Variants in SCHIP1 observed in about 807,000 individuals in gnomAD.
SCHIP1 encodes the protein schwannomin-interacting protein 1.
A neutral mutation model predicts 29.7 loss-of-function variants in SCHIP1; 8 were observed. The ratio of observed to expected loss-of-function variants is 0.27; its 90% confidence interval spans 0.16 to 0.49. The LOEUF (loss-of-function observed/expected upper bound fraction) is 0.49. SCHIP1 is among the 20% of genes least tolerant of loss of function. The probability of loss-of-function intolerance (pLI) is 0.99; values close to 1 mark genes in which losing one functional copy is unlikely to be tolerated. For synonymous variants in SCHIP1, 76 were observed against 94.9 expected (o/e 0.80, Z 1.16); for missense variants, 193 against 294.6 (o/e 0.66, Z 2.52).
the SCHIP1 span, among the ~76,000 whole-genome samples, chr3:159,572,742 G>T: frequency 6.6e-6 from 1 of 152,122 alleles, no homozygotes; most frequent in African/African-American, 2.4e-5. Context: ...GTATTGTGTG[G>T]GAGTCTTAGC....
chr3:159,390,424 A>G, the SCHIP1 span, among the ~76,000 whole-genome samples: 1 of 152,122 alleles, frequency 6.6e-6, no homozygotes, highest in Non-Finnish European at 1.5e-5. Context: ...GTTATACATG[A>G]AAACAAGAAA....
the SCHIP1 span, among the ~76,000 whole-genome samples, chr3:159,603,122 T>A: frequency 1.3e-5 from 2 of 152,160 alleles, no homozygotes; most frequent in African/African-American, 4.8e-5. Flanking sequence ...CTCACAGAAT[T>A]CAAAGAAACA....
the SCHIP1 span, among the ~76,000 whole-genome samples, chr3:159,302,594 C>T: frequency 6.6e-6 from 1 of 152,148 alleles, no homozygotes; most frequent in Non-Finnish European, 1.5e-5. Flanking sequence ...GGAAAAGAGA[C>T]TTCACTATTT....
the SCHIP1 span, among the ~76,000 whole-genome samples, chr3:159,298,546 G>A: frequency 1.3e-5 from 2 of 152,284 alleles, no homozygotes; most frequent in African/African-American, 2.4e-5. Flanking sequence ...TATGTTTGGA[G>A]CATTTATTAA....
At chr3:159,889,960 G>A (rs1230228467) in intron 5 of SCHIP1, among the ~76,000 whole-genome samples, 3 of 152,066 alleles carry the variant, frequency 2.0e-5, no homozygotes, top group African/African-American at 7.2e-5. Context: ...GCTGGGCATG[G>A]TGGTGGGCAC....
At chr3:159,348,130 A>G in the SCHIP1 span, among the ~76,000 whole-genome samples, 24 of 152,154 alleles carry the variant, frequency 1.6e-4, no homozygotes, top group Non-Finnish European at 2.9e-4. Flanking sequence ...TTTAGACTCA[A>G]TGTTCTTTAA....
chr3:159,710,476 C>A, the SCHIP1 span, among the ~76,000 whole-genome samples: 2 of 152,092 alleles, frequency 1.3e-5, no homozygotes, highest in African/African-American at 4.8e-5. Flanking sequence ...TGATCTATTG[C>A]ACAAGGTAAC....
chr3:159,866,894 C>G (rs1412436927), intron 2 of SCHIP1, among the ~76,000 whole-genome samples: 1 of 152,054 alleles, frequency 6.6e-6, no homozygotes, highest in Admixed American at 6.5e-5. Context: ...ATCCAAAAAA[C>G]AGTGCTATAG....
At chr3:159,279,870 G>A in the SCHIP1 span, among the ~76,000 whole-genome samples, 1 of 152,126 alleles carries the variant, frequency 6.6e-6, no homozygotes, top group South Asian at 2.1e-4. Flanking sequence ...AACATTATTG[G>A]AATGCTGTTG....
the SCHIP1 span, among the ~76,000 whole-genome samples, chr3:159,474,715 A>G: frequency 6.6e-6 from 1 of 152,134 alleles, no homozygotes; most frequent in Non-Finnish European, 1.5e-5. Context: ...AAGGCACATG[A>G]AGAACTAAAG....
chr3:159,772,403 C>G, the SCHIP1 span, among the ~76,000 whole-genome samples: 1 of 152,162 alleles, frequency 6.6e-6, no homozygotes, highest in African/African-American at 2.4e-5. Context: ...CTTGGCCTCC[C>G]AAGTGCTGGG....
At chr3:159,331,201 A>T in the SCHIP1 span, among the ~76,000 whole-genome samples, 1 of 152,116 alleles carries the variant, frequency 6.6e-6, no homozygotes, top group Non-Finnish European at 1.5e-5. Flanking sequence ...TTCAGTCCTG[A>T]TGGGGAGCTC....
At chr3:159,358,047 T>C in the SCHIP1 span, among the ~76,000 whole-genome samples, 25 of 152,218 alleles carry the variant, frequency 1.6e-4, no homozygotes, top group African/African-American at 6.0e-4. Flanking sequence ...AAACTTGGCA[T>C]CTGTGGAATG....
the SCHIP1 span, among the ~76,000 whole-genome samples, chr3:159,829,594 G>A: frequency 4.6e-5 from 7 of 152,098 alleles, no homozygotes; most frequent in South Asian, 2.1e-4. Context: ...ATTTTTCGAC[G>A]TCAGCATATT....
At chr3:159,783,273 C>T in the SCHIP1 span, among the ~76,000 whole-genome samples, 1 of 152,150 alleles carries the variant, frequency 6.6e-6, no homozygotes, top group Non-Finnish European at 1.5e-5. Context: ...CTGACTTGGC[C>T]AGCTGCCGAG....
intron 1 of SCHIP1, among the ~76,000 whole-genome samples, chr3:159,862,627 C>T (rs966936979): frequency 6.6e-6 from 1 of 152,060 alleles, no homozygotes; most frequent in African/African-American, 2.4e-5. Flanking sequence ...AGTTGAAACT[C>T]AAAAGGACAA....
At chr3:159,680,196 A>C in the SCHIP1 span, among the ~76,000 whole-genome samples, 2 of 152,090 alleles carry the variant, frequency 1.3e-5, no homozygotes, top group African/African-American at 4.8e-5. Flanking sequence ...TTCTAAATAA[A>C]TATGTTAGAA....
the SCHIP1 span, among the ~76,000 whole-genome samples, chr3:159,427,312 G>C: frequency 6.6e-6 from 1 of 151,796 alleles, no homozygotes; most frequent in Non-Finnish European, 1.5e-5. Flanking sequence ...CATTGTCTCA[G>C]CCCAAAATCT....
the SCHIP1 span, among the ~76,000 whole-genome samples, chr3:159,801,412 A>G: frequency 5.3e-5 from 8 of 152,194 alleles, no homozygotes; most frequent in Non-Finnish European, 1.2e-4. Flanking sequence ...CCCAGTATAT[A>G]TGAGTACATA....
Sources: allele counts gnomAD v4.1 joint callset (sites outside exome capture counted in the v4.1 genomes callset), GRCh38; gene constraint gnomAD v4.1.1; transcripts MANE v1.5; gene names NCBI Gene and HGNC (gene_info 2026-07-23, HGNC 2026-07-21).